ADAR: variants seen among roughly 807,000 people sequenced by gnomAD.
The protein encoded by ADAR is adenosine deaminase RNA specific.
Under a neutral mutation model 113.2 loss-of-function variants are expected in ADAR, and 41 were observed. The ratio of observed to expected loss-of-function variants is 0.36; its 90% CI spans 0.28 to 0.47. The LOEUF is 0.47. Ranked by LOEUF, ADAR falls within the 20% of genes least tolerant of loss-of-function variation. The probability of loss-of-function intolerance (pLI) is 1.00; values close to 1 mark genes in which losing one functional copy is unlikely to be tolerated. For missense variants in ADAR, 1,242 were observed against 1,540.9 expected (o/e 0.81, Z 3.25); for synonymous variants, 605 against 572.6 (o/e 1.06, Z -0.81).
rs376867928 is a variant in ADAR, at chr1:154,597,115, C to T, written c.2079+8G>A. The T allele has an allele frequency of 3.1e-4, 495 of 1,614,146 alleles. No individual in the cohort carries two copies. The African/African-American group carries it at 4.2e-3, about 14-fold the overall frequency. On this transcript the variant is annotated splice_region_variant and intron_variant, in intron 5 of 14. Transcript: ENST00000368474. ...GACCTGTATCTTTTGAGTAGGAAAA[C>T]GCCCTACCTGGTTATCAGAAGCCAT...
intron 1 of ADAR, among the ~76,000 whole-genome samples, chr1:154,617,588 C>T (rs1698670150): frequency 6.6e-6 from 1 of 152,092 alleles, no homozygotes; most frequent in Non-Finnish European, 1.5e-5. Context: ...TTAGACACTA[C>T]CACTCAAACG....
At chr1:154,585,092 G>C in intron 14 of ADAR, 49 bp from the exon 15 acceptor site, 6 of 1,610,152 alleles carry the variant, frequency 3.7e-6, no homozygotes, top group Non-Finnish European at 5.1e-6. Flanking sequence ...GTAAGATAAG[G>C]AGCTCACAGT....
intron 1 of ADAR, chr1:154,606,024 G>C: frequency 1.1e-6 from 1 of 904,510 alleles, no homozygotes; most frequent in Non-Finnish European, 1.3e-6. Context: ...TTTTTCTTGT[G>C]AGACGGAGTC....
intron 4 of ADAR, 111 bp from the exon 5 acceptor site, chr1:154,597,378 C>G: frequency 7.8e-7 from 1 of 1,286,324 alleles, no homozygotes; most frequent in East Asian, 2.5e-5. Context: ...TTGAACACAT[C>G]ACCTCTGTGC....
chr1:154,626,003 CAAAA>C (rs60388172), intron 1 of ADAR, among the ~76,000 whole-genome samples: 7 of 82,420 alleles, frequency 8.5e-5, no homozygotes, highest in Admixed American at 8.2e-4. Flanking sequence ...GACTCTGTCT[CAAAA>C]AAAAAAAAAA....
At chr1:154,597,587 A>G (rs1006892071) in intron 4 of ADAR, among the ~76,000 whole-genome samples, 2 of 152,136 alleles carry the variant, frequency 1.3e-5, no homozygotes, top group African/African-American at 4.8e-5. Flanking sequence ...AGTGACCTCC[A>G]AGCCGTGAAC....
chr1:154,625,583 G>A (rs1698908842), intron 1 of ADAR, among the ~76,000 whole-genome samples: 1 of 152,240 alleles, frequency 6.6e-6, no homozygotes, highest in South Asian at 2.1e-4. Flanking sequence ...GAAAGGCCTG[G>A]CGCGGTGGCT....
intron 1 of ADAR, 66 bp downstream of exon 1, chr1:154,607,926 C>T (rs958297256): frequency 1.9e-6 from 3 of 1,607,182 alleles, no homozygotes; most frequent in Non-Finnish European, 2.5e-6. Flanking sequence ...CGCACTGCAA[C>T]ACAAAGCCTG....
chr1:154,601,872 C>T lies in ADAR; in HGVS notation c.770G>A (p.Ser257Asn). 1.2e-6 allele frequency: 2 copies of T among 1,614,182 alleles called. No homozygotes were observed. Among genetic ancestry groups the T allele is most frequent in the South Asian group, 1.1e-5 (1 of 91,084 alleles). ...AVSAQAWNQH[S>N]GVVRPDSHSQ... Reference sequence around the variant, plus strand: ...ATGACTGTCTGGTCTTACCACTCCGCTGTGCTGGTTCCAAGCCTGAGCTGA... The same window carrying T: ...ATGACTGTCTGGTCTTACCACTCCGTTGTGCTGGTTCCAAGCCTGAGCTGA... Residue 257 changes from serine (S) to asparagine (N), a missense_variant, in exon 2 of 15, where the codon AGC (serine) becomes AAC (asparagine). By Grantham distance (46) the Ser-to-Asn change is conservative (BLOSUM62 1). Transcript: ENST00000368474. The surrounding 1 kb of genome is among the most constrained non-coding windows in gnomAD (Gnocchi z 4.7).
intron 1 of ADAR, 123 bp downstream of exon 1, chr1:154,607,869 G>A: frequency 7.2e-7 from 1 of 1,393,168 alleles, no homozygotes; most frequent in Non-Finnish European, 9.8e-7. Flanking sequence ...TGCTTGGCAA[G>A]ACGACACACA....
chr1:154,592,313 A>G (rs1697200226), intron 6 of ADAR, among the ~76,000 whole-genome samples: 1 of 152,176 alleles, frequency 6.6e-6, no homozygotes, highest in Non-Finnish European at 1.5e-5. Flanking sequence ...CTGTGCTATA[A>G]TTGATTCTCG....
At chr1:154,607,539 TC>T (rs10712198) in intron 1 of ADAR, among the ~76,000 whole-genome samples, 62,545 of 151,788 alleles carry the variant, frequency 0.41, 13,788 homozygotes, top group East Asian at 0.54. Context: ...GGTAGGGGGT[TC>T]CACAAGGGGC....
rs1367816340 is a variant in ADAR at position 154,601,247 on chromosome 1, A to G, written c.1395T>C (p.Ser465=). The G allele has an allele frequency of 3.1e-6, 5 of 1,614,120 alleles. No homozygotes were observed. The highest frequency in any genetic ancestry group is 4.2e-6 in the Non-Finnish European group (5 of 1,180,056). ...GAAACTCACCTGGTGCTGCGCGGATACTATTCAAGTCATCTGGGATGTCAT... is the reference window on the plus strand; with the variant it reads ...GAAACTCACCTGGTGCTGCGCGGATGCTATTCAAGTCATCTGGGATGTCAT... ...ATDDIPDDLN[S]IRAAPGEFRA... The change falls in exon 2 of 15, where the codon AGT becomes AGC. Residue 465 remains serine (S), a synonymous_variant. Coordinates refer to ENST00000368474, the MANE Select transcript of ADAR (RefSeq NM_001111.5). The surrounding 1 kb of genome is among the most constrained non-coding windows in gnomAD (Gnocchi z 4.7).
upstream of ADAR, among the ~76,000 whole-genome samples, chr1:154,612,494 T>C (rs548396164): frequency 7.1e-4 from 108 of 151,210 alleles, no homozygotes; most frequent in Middle Eastern, 3.4e-3. Context: ...CACCCGGCTA[T>C]TTTTTTGTAT....
chr1:154,589,294 G>T, intron 9 of ADAR, 75 bp downstream of exon 9: 1 of 1,192,662 alleles, frequency 8.4e-7, no homozygotes, highest in Non-Finnish European at 1.2e-6. Flanking sequence ...CAGAGGCCGT[G>T]TCAGAGCCAT....
At chr1:154,609,804 A>G (rs1698422673), upstream of ADAR, among the ~76,000 whole-genome samples, 1 of 152,224 alleles carries the variant, frequency 6.6e-6, no homozygotes, top group Non-Finnish European at 1.5e-5. Context: ...ATATGACACA[A>G]ATAAGAGCGC....
intron 1 of ADAR, among the ~76,000 whole-genome samples, chr1:154,606,827 T>A (rs541859884): frequency 2.8e-4 from 42 of 152,206 alleles, no homozygotes; most frequent in Admixed American, 2.1e-3. Context: ...AGATAAGCAC[T>A]ACCCCCTTTG....
rs138707431 is a variant in ADAR at position 154,589,833 on chromosome 1, G to A, written c.2592C>T (p.Leu864=). ...TLTNSFQPSL[L]GRKILAAIIM... ...TGATGGCGGCCAGAATCTTGCGGCC[G>A]AGCAAGGAGGGCTGGAAGCTGTTAG... is the stretch of plus-strand genomic sequence containing the variant. Residue 864 remains leucine, a synonymous_variant, in exon 8 of 15, where the codon CTC becomes CTT. Coordinates refer to ENST00000368474, the MANE Select transcript of ADAR (RefSeq NM_001111.5). 5 of 1,613,924 alleles carry A rather than the reference G, an allele frequency of 3.1e-6. No homozygotes were observed. In the African/African-American group the frequency reaches 4.0e-5, roughly 13 times the overall value.
At chr1:154,588,437 A>G (rs1354276284) in intron 10 of ADAR, 114 bp downstream of exon 10, 7 of 1,529,940 alleles carry the variant, frequency 4.6e-6, no homozygotes, top group Non-Finnish European at 6.3e-6. Flanking sequence ...TCAAACCCAC[A>G]GTGGAGTGTG....
Sources: allele counts gnomAD v4.1 joint callset (sites outside exome capture counted in the v4.1 genomes callset), GRCh38; gene constraint gnomAD v4.1.1; non-coding constraint Gnocchi (gnomAD v3.1); transcripts MANE v1.5; gene names NCBI Gene and HGNC (gene_info 2026-07-23, HGNC 2026-07-21).